Variants in CCDC127 observed in about 807,000 individuals in gnomAD.
CCDC127 encodes coiled-coil domain containing 127, also known as coiled-coil domain-containing protein 127.
In CCDC127, 2 loss-of-function variants were observed where a neutral mutation model predicts 4.1. The ratio of observed to expected loss-of-function variants is 0.49; its 90% CI spans 0.20 to 1.53. CCDC127 has a LOEUF of 1.53. CCDC127 is among the 40% of genes most tolerant of loss of function. The pLI is 0.23. For synonymous variants in CCDC127, 98 were observed against 120.4 expected, an observed-to-expected ratio of 0.81 and a Z score of 1.22; for missense variants, 271 against 322.9, an observed-to-expected ratio of 0.84 and a Z score of 1.23.
Position 205,969 on chromosome 5 carries a change from T to C in CCDC127, c.122-11A>G. ...TAGACCAAATCCAACCTGACATGAATGAAGAAAAATACACATAATGAAAAA... is the reference window on the plus strand; with the variant it reads ...TAGACCAAATCCAACCTGACATGAACGAAGAAAAATACACATAATGAAAAA... On this transcript the variant is annotated splice_polypyrimidine_tract_variant and intron_variant, in intron 2 of 2. Coordinates refer to ENST00000296824, the MANE Select transcript of CCDC127 (RefSeq NM_145265.3). 1.3e-6 allele frequency: 2 copies of C among 1,587,452 alleles called. No homozygotes were observed. Among genetic ancestry groups the C allele is most frequent in the Non-Finnish European group, 1.7e-6 (2 of 1,167,604 alleles).
chr5:208,100 G>A (rs867348755), intron 2 of CCDC127, among the ~76,000 whole-genome samples: 1 of 152,118 alleles, frequency 6.6e-6, no homozygotes, highest in African/African-American at 2.4e-5. Context: ...TTGGGCACAC[G>A]CAACTTTTCA....
rs922677383 is a variant in CCDC127 at position 197,004 on chromosome 5, G to C, written c.*8293C>G. 2.0e-5 allele frequency: 3 copies of C among 151,026 alleles called. No homozygotes were observed. The highest frequency in any genetic ancestry group is 2.9e-5 in the Non-Finnish European group (2 of 67,944). 9.4% of individuals were successfully genotyped at this position (151,026 alleles called of 1,614,324 possible). ...CAAAAAGGAATGTAGTAGGAGAGCAGGGTGATAATAAGGAGGAGGTCAGCA... is the reference window on the plus strand; with the variant it reads ...CAAAAAGGAATGTAGTAGGAGAGCACGGTGATAATAAGGAGGAGGTCAGCA... On this transcript the variant is annotated 3_prime_UTR_variant, in exon 3 of 3. Coordinates refer to ENST00000296824, the MANE Select transcript of CCDC127 (RefSeq NM_145265.3).
At chr5:206,857 T>C (rs1168332819) in intron 2 of CCDC127, among the ~76,000 whole-genome samples, 1 of 152,152 alleles carries the variant, frequency 6.6e-6, no homozygotes, top group Admixed American at 6.5e-5. Flanking sequence ...ACAGAACTGT[T>C]TGGCAAATTT....
chr5:214,492 G>C (rs1233294067), intron 2 of CCDC127: 1 of 152,186 alleles, frequency 6.6e-6, no homozygotes, highest in Admixed American at 6.5e-5. Context: ...AGGAACACTA[G>C]AGGGGAGAAA....
chr5:199,946 A>C lies in CCDC127; in HGVS notation c.*5351T>G, dbSNP rs984614776. On this transcript the variant is annotated 3_prime_UTR_variant, in exon 3 of 3. Transcript: ENST00000296824. The stretch of plus-strand genomic sequence containing the variant: ...CTTGACTCCTCTACCTGGACCAGGC[A>C]GGTCATGAAAGATGGGGCACTGCCT... 2.0e-5 allele frequency: 3 copies of C among 152,176 alleles called. No individual in the cohort carries two copies. Among genetic ancestry groups the C allele is most frequent in the African/African-American group, 7.2e-5 (3 of 41,416 alleles). 9.4% of individuals were successfully genotyped at this position (152,176 alleles called of 1,614,324 possible).
chr5:198,630 T>C lies in CCDC127; in HGVS notation c.*6667A>G, dbSNP rs756460714. On this transcript the variant is annotated 3_prime_UTR_variant, in exon 3 of 3. Coordinates refer to ENST00000296824, the MANE Select transcript of CCDC127 (RefSeq NM_145265.3). ...CCATTCTGATAAGGCCAGCAGAGGC[T>C]GGGGACCAACGCCTCCCTCGCCCGT... The C allele has an allele frequency of 6.6e-6, 1 of 152,362 alleles. No homozygotes were observed. The highest frequency in any genetic ancestry group is 1.5e-5 in the Non-Finnish European group (1 of 68,144). 9.4% of individuals were successfully genotyped at this position (152,362 alleles called of 1,614,324 possible). A position where few individuals can be genotyped will look rare whatever the true frequency, so the allele number is the denominator to read the frequency against.
At chr5:210,662 C>CGG in intron 2 of CCDC127, among the ~76,000 whole-genome samples, 1 of 136,614 alleles carries the variant, frequency 7.3e-6, no homozygotes, top group Non-Finnish European at 1.5e-5. Flanking sequence ...TGTGAGCACG[C>CGG]TGATGCTCGA....
At position 196,992 on chromosome 5, in the gene CCDC127, A is replaced by T. The variant is rs531864594; in HGVS notation, c.*8305T>A. 6.6e-6 allele frequency: 1 copy of T among 151,554 alleles called. No homozygotes were observed. Among genetic ancestry groups the T allele is most frequent in the East Asian group, 1.9e-4 (1 of 5,170 alleles). The allele number at this position is 151,554 out of a possible 1,614,324, so 9.4% of individuals were successfully genotyped here. On this transcript the variant is annotated 3_prime_UTR_variant, in exon 3 of 3. Coordinates refer to ENST00000296824, the MANE Select transcript of CCDC127 (RefSeq NM_145265.3). ...TCATTATTTCAGCAAAAAGGAATGTAGTAGGAGAGCAGGGTGATAATAAGG... is the reference window on the plus strand; with the variant it reads ...TCATTATTTCAGCAAAAAGGAATGTTGTAGGAGAGCAGGGTGATAATAAGG...
intron 2 of CCDC127, among the ~76,000 whole-genome samples, chr5:206,374 A>G (rs1332275954): frequency 6.6e-6 from 1 of 152,248 alleles, no homozygotes; most frequent in African/African-American, 2.4e-5. Context: ...TTATGTTCTG[A>G]TAAGGACACA....
intron 2 of CCDC127, chr5:216,353 C>T (rs1008293622): frequency 2.6e-5 from 6 of 229,234 alleles, no homozygotes; most frequent in East Asian, 1.2e-4. Flanking sequence ...TTCCTTTACA[C>T]CCGTTTTGTT....
rs189021201 is a variant in CCDC127, at chr5:205,263, G to C, written c.*34C>G. 5.1e-6 allele frequency: 8 copies of C among 1,567,992 alleles called. No homozygotes were observed. In the African/African-American group the frequency reaches 6.8e-5, roughly 13 times the overall value. The stretch of plus-strand genomic sequence containing the variant: ...AGAAGGCGCATGACTGCCTGGCCTC[G>C]AGTCACTAAAAGCAGTTTGATTTCA... On this transcript the variant is annotated 3_prime_UTR_variant, in exon 3 of 3. Coordinates refer to ENST00000296824, the MANE Select transcript of CCDC127 (RefSeq NM_145265.3).
chr5:213,415 T>G (rs1173654607), intron 2 of CCDC127, among the ~76,000 whole-genome samples: 138 of 65,388 alleles, frequency 2.1e-3, no homozygotes, highest in Admixed American at 2.8e-3. Context: ...TGGGGCAGAC[T>G]GGACAGCAGT....
rs1207680347 is a variant in CCDC127, at chr5:205,293, T to C, written c.*4A>G. 2.5e-6 allele frequency: 4 copies of C among 1,598,428 alleles called. No homozygotes were observed. The highest frequency in any genetic ancestry group is 2.6e-6 in the Non-Finnish European group (3 of 1,170,142). On this transcript the variant is annotated 3_prime_UTR_variant, in exon 3 of 3. Transcript: ENST00000296824. ...ACTAAAAGCAGTTTGATTTCACTCT[T>C]GTCTTACTTTTCTAGTATGGCTTCC...
intron 2 of CCDC127, chr5:215,560 G>A (rs905386873): frequency 6.6e-6 from 1 of 151,994 alleles, no homozygotes; most frequent in Non-Finnish European, 1.5e-5. Context: ...TTTTTCCCAA[G>A]CCTGCAGGCG....
intron 1 of CCDC127, among the ~76,000 whole-genome samples, 158 bp downstream of exon 1, chr5:217,935 C>A (rs1354166884): frequency 2.0e-5 from 3 of 152,246 alleles, no homozygotes; most frequent in Non-Finnish European, 2.9e-5. Flanking sequence ...AGGCCCCGGG[C>A]CGCTCCCGCC....
chr5:218,006 C>T (rs1407244685), intron 1 of CCDC127, 87 bp downstream of exon 1: 2 of 833,074 alleles, frequency 2.4e-6, no homozygotes, highest in East Asian at 5.7e-5. Context: ...CGTTCAGGCC[C>T]TTCGGTCTGG....
rs1347395999 is a variant in CCDC127, at chr5:209,177, C to T, written c.122-3219G>A. Among the ~76,000 whole-genome samples the T allele has an allele frequency of 4.4e-3, 231 of 52,554 alleles. 2 individuals are homozygous for T. The highest frequency in any genetic ancestry group is 0.018 in the African/African-American group (218 of 12,136). The allele number at this position is 52,554 out of a possible 152,430, so 34.5% of individuals were successfully genotyped here. A position where few individuals can be genotyped will look rare whatever the true frequency, so the allele number is the denominator to read the frequency against. ...GACTCCCCCACAAACACAGAAACAA[C>T]CCTTCGCAGCCTGGCCACACACATC... On this transcript the variant is annotated intron_variant, in intron 2 of 2. Coordinates refer to ENST00000296824, the MANE Select transcript of CCDC127 (RefSeq NM_145265.3).
chr5:206,632 C>T (rs1403462818), intron 2 of CCDC127, among the ~76,000 whole-genome samples: 1 of 152,190 alleles, frequency 6.6e-6, no homozygotes, highest in Non-Finnish European at 1.5e-5. Context: ...CCGTATAGAG[C>T]CACCAACCCT....
intron 2 of CCDC127, among the ~76,000 whole-genome samples, chr5:206,307 G>A (rs948249423): frequency 6.7e-6 from 1 of 149,476 alleles, no homozygotes; most frequent in Non-Finnish European, 1.5e-5. Flanking sequence ...TCTTATAAAA[G>A]TTGTATTTAG....
Sources: allele counts gnomAD v4.1 joint callset (sites outside exome capture counted in the v4.1 genomes callset), GRCh38; gene constraint gnomAD v4.1.1; transcripts MANE v1.5; gene names NCBI Gene and HGNC (gene_info 2026-07-23, HGNC 2026-07-21).